The following SERAC1 variants were observed in gnomAD, a reference collection of about 807,000 sequenced individuals.
SERAC1 encodes protein SERAC1.
A neutral mutation model predicts 85.7 loss-of-function variants in SERAC1; 36 were observed. The observed-to-expected ratio is 0.42, with a 90% confidence interval of 0.32 to 0.55. SERAC1 has a LOEUF of 0.55. Among genes scored for constraint, SERAC1 ranks in the 20% least tolerant of loss-of-function variants. SERAC1 has a pLI of 0.11. For missense variants in SERAC1, 629 were observed against 796.2 expected, an observed-to-expected ratio of 0.79 and a Z score of 2.53; for synonymous variants, 242 against 265.3, an observed-to-expected ratio of 0.91 and a Z score of 0.85.
chr6:158,149,172 TTAG>T (rs911484241), intron 4 of SERAC1, among the ~76,000 whole-genome samples: 1 of 152,116 alleles, frequency 6.6e-6, no homozygotes, highest in Non-Finnish European at 1.5e-5. Flanking sequence ...TTTTGTATTT[TTAG>T]TAGAGACAGG....
At position 158,139,639 on chromosome 6, in the gene SERAC1, C is replaced by T. The variant is rs939763711; in HGVS notation, c.738+3417G>A. On this transcript the variant is annotated intron_variant, in intron 8 of 16. Coordinates refer to ENST00000647468, the MANE Select transcript of SERAC1 (RefSeq NM_032861.4). ...ATTCAGGAGGCTGAGGTGGGAGGAT[C>T]ACTTGAGCCCAGGAGTTCAAGGCTG... is the stretch of plus-strand genomic sequence containing the variant. Among the ~76,000 whole-genome samples, 38 of 152,276 alleles carry T rather than the reference C, an allele frequency of 2.5e-4. No individual in the cohort carries two copies. The Middle Eastern group carries it at 0.017, about 68-fold the overall frequency.
At chr6:158,134,749 C>G (rs1784752366) in intron 8 of SERAC1, among the ~76,000 whole-genome samples, 1 of 152,122 alleles carries the variant, frequency 6.6e-6, no homozygotes. Flanking sequence ...AGGCAACATT[C>G]ATTCAAAGAT....
chr6:158,151,001 C>G (rs1162903087), intron 3 of SERAC1: 1 of 156,598 alleles, frequency 6.4e-6, no homozygotes, highest in Non-Finnish European at 1.4e-5. Flanking sequence ...CTATAGTATA[C>G]TTTTATTGCT....
Position 158,116,285 on chromosome 6 carries a change from GAACAA to G in SERAC1, c.1404-8_1404-4del, listed in dbSNP as rs1381930049. The G allele has an allele frequency of 6.2e-7, 1 of 1,613,090 alleles. No individual in the cohort carries two copies. The highest frequency in any genetic ancestry group is 2.2e-5 in the East Asian group (1 of 44,862). ...TGCTTCTGAATGCAATGGACTTTCT[GAACAA>G]AACAAAAACAGCAGGCATGACACAA... On this transcript the variant is annotated splice_region_variant and splice_polypyrimidine_tract_variant and intron_variant, in intron 13 of 16. Transcript: ENST00000647468.
rs372526589 is a variant in SERAC1, at chr6:158,128,113, C to T, written c.1010G>A (p.Arg337His). ...TCAGTATATAAAGCTGTTACCTGAG[C>T]GAACTATAGAAGAATGAAGATGTTC... ...LNEHLHSSIV[R>H]SGWVSIMAEA... Residue 337 changes from arginine to histidine, a missense_variant, in exon 10 of 17, where the codon CGC (arginine) becomes CAC (histidine). Coordinates refer to ENST00000647468, the MANE Select transcript of SERAC1 (RefSeq NM_032861.4). 8.1e-6 allele frequency: 13 copies of T among 1,613,178 alleles called. No individual in the cohort carries two copies. Among genetic ancestry groups the T allele is most frequent in the African/African-American group, 4.0e-5 (3 of 74,768 alleles).
At chr6:158,130,971 T>C (rs1359241051) in intron 8 of SERAC1, among the ~76,000 whole-genome samples, 2 of 152,172 alleles carry the variant, frequency 1.3e-5, no homozygotes, top group African/African-American at 4.8e-5. Context: ...TCTTCTTAAG[T>C]TGAAATTCAA....
chr6:158,150,542 A>C lies in SERAC1; in HGVS notation c.176T>G (p.Val59Gly). Reference sequence around the variant, plus strand: ...TTCTACCACTTGAGTATCTAATGTCACAGCCTTCTTCAGGGCCAGAACTTC... The same window carrying C: ...TTCTACCACTTGAGTATCTAATGTCCCAGCCTTCTTCAGGGCCAGAACTTC... ...TYEVLALKKA[V>G]TLDTQVVERE... The change falls in exon 4 of 17, where the codon GTG (valine) becomes GGG (glycine). Residue 59 changes from valine to glycine, a missense_variant. Physicochemically the swap from Val to Gly is moderately radical, Grantham distance 109. Coordinates refer to ENST00000647468, the MANE Select transcript of SERAC1 (RefSeq NM_032861.4). The C allele has an allele frequency of 6.2e-7, 1 of 1,602,352 alleles. No homozygotes were observed. The highest frequency in any genetic ancestry group is 1.1e-5 in the South Asian group (1 of 90,890).
rs779799605 is a variant in SERAC1, at chr6:158,119,143, A to G, written c.1194T>C (p.Phe398=). 1 of 1,612,790 alleles carries G rather than the reference A, an allele frequency of 6.2e-7. No homozygotes were observed. Among genetic ancestry groups the G allele is most frequent in the South Asian group, 1.1e-5 (1 of 90,882 alleles). The change falls in exon 12 of 17, where the codon TTT becomes TTC. Residue 398 remains phenylalanine (F), a synonymous_variant. Coordinates refer to ENST00000647468, the MANE Select transcript of SERAC1 (RefSeq NM_032861.4). This position sits in a 1 kb window ranked among gnomAD's most constrained non-coding sequence, Gnocchi z 4.5. ...ATGCTGCTCCCATAAGGCCATGAAT[A>G]AAAAGGACATCTGCTTTAATGGGCT... The part of the protein sequence containing the change: ...TSQPIKADVL[F]IHGLMGAAFK...
intron 6 of SERAC1, 42 bp from the exon 7 acceptor site, chr6:158,144,462 TGACA>T: frequency 6.6e-7 from 1 of 1,521,400 alleles, no homozygotes; most frequent in Non-Finnish European, 8.9e-7. Flanking sequence ...CAAAACTAGC[TGACA>T]GATGTCATAA....
In SERAC1 at chr6:158,111,152, C is replaced by T. The variant is rs1435869789; in HGVS notation, c.*214G>A. ...CAGGGACTTCTTTACACCAAAGGGGCCCAATCCAGCCCTTCCTTCTGTGCC... is the reference window on the plus strand; with the variant it reads ...CAGGGACTTCTTTACACCAAAGGGGTCCAATCCAGCCCTTCCTTCTGTGCC... On this transcript the variant is annotated 3_prime_UTR_variant, in exon 17 of 17. Transcript: ENST00000647468. The T allele has an allele frequency of 7.8e-6, 3 of 382,756 alleles. No homozygotes were observed. Among genetic ancestry groups the T allele is most frequent in the African/African-American group, 2.1e-5 (1 of 48,094 alleles). 23.7% of individuals were successfully genotyped at this position (382,756 alleles called of 1,614,324 possible).
chr6:158,113,163 GCTTT>G (rs1784187992), intron 16 of SERAC1: 1 of 406,110 alleles, frequency 2.5e-6, no homozygotes, highest in Non-Finnish European at 4.3e-6. Context: ...TGATAGAAGA[GCTTT>G]CTTTACTGCA....
At chr6:158,114,690 A>ATAAAATGAGATAATACATTCAAGGAATT in intron 15 of SERAC1, 99 bp downstream of exon 15, 1 of 1,575,570 alleles carries the variant, frequency 6.3e-7, no homozygotes, top group Non-Finnish European at 8.6e-7. Flanking sequence ...TATACAAATT[A>ATAAAATGAGATAATACATTCAAGGAATT]TAAAATGAGA....
intron 1 of SERAC1, chr6:158,161,358 G>C (rs1030485934): frequency 1.3e-5 from 2 of 151,378 alleles, no homozygotes; most frequent in African/African-American, 4.9e-5. Flanking sequence ...CTTTAGCCTG[G>C]GAGACAGAGT....
chr6:158,146,597 G>A lies in SERAC1; in HGVS notation c.487+185C>T, dbSNP rs1203844884. On this transcript the variant is annotated intron_variant, in intron 6 of 16. Coordinates refer to ENST00000647468, the MANE Select transcript of SERAC1 (RefSeq NM_032861.4). The stretch of plus-strand genomic sequence containing the variant: ...CTAATTTTTTTGTATTTTTAGTAGA[G>A]ACGGGGTTTCACCATGTTAGCCAGG... The A allele has an allele frequency of 5.7e-6, 3 of 521,772 alleles. No homozygotes were observed. The African/African-American group carries it at 5.9e-5, about 10-fold the overall frequency. 32.3% of individuals were successfully genotyped at this position (521,772 alleles called of 1,614,324 possible).
In SERAC1 at chr6:158,145,586, T is replaced by C. The variant is rs567203523; in HGVS notation, c.488-1166A>G. Among the ~76,000 whole-genome samples, 139 of 149,432 alleles carry C rather than the reference T, an allele frequency of 9.3e-4. 1 individual carries two copies. Among genetic ancestry groups the C allele is most frequent in the Non-Finnish European group, 1.7e-3 (114 of 67,556 alleles). On this transcript the variant is annotated intron_variant, in intron 6 of 16. Transcript: ENST00000647468. Reference sequence around the variant, plus strand: ...TCCAGGCTGGAGTGGAGTGGTACAATCTTGGCTCACTAACAACTCCACCTC... The same window carrying C: ...TCCAGGCTGGAGTGGAGTGGTACAACCTTGGCTCACTAACAACTCCACCTC...
Position 158,142,532 on chromosome 6 carries a change from A to G in SERAC1, c.738+524T>C, listed in dbSNP as rs1406507762. On this transcript the variant is annotated intron_variant, in intron 8 of 16. Coordinates refer to ENST00000647468, the MANE Select transcript of SERAC1 (RefSeq NM_032861.4). ...TCGCTCTGTCACCAGGCTGGAGTGC[A>G]GTGGCACAGTCTCGGCTCACTGCAA... Among the ~76,000 whole-genome samples the G allele has an allele frequency of 2.0e-5, 3 of 150,170 alleles. No individual in the cohort carries two copies. In the East Asian group the frequency reaches 5.9e-4, roughly 29 times the overall value.
intron 15 of SERAC1, 101 bp downstream of exon 15, chr6:158,114,688 T>TTATAAAATGAGATAATACTTTCAAGGAA: frequency 1.4e-6 from 2 of 1,434,952 alleles, no homozygotes; most frequent in Non-Finnish European, 1.9e-6. Context: ...TATATACAAA[T>TTATAAAATGAGATAATACTTTCAAGGAA]TATAAAATGA....
At chr6:158,164,910 T>G (rs1366606495) in intron 1 of SERAC1, among the ~76,000 whole-genome samples, 1 of 152,156 alleles carries the variant, frequency 6.6e-6, no homozygotes, top group Non-Finnish European at 1.5e-5. Flanking sequence ...CCTTTCTTCC[T>G]CCTTCCCTCC....
At chr6:158,131,462 T>G (rs1419728091) in intron 8 of SERAC1, among the ~76,000 whole-genome samples, 2 of 103,056 alleles carry the variant, frequency 1.9e-5, no homozygotes, top group Non-Finnish European at 4.1e-5. Context: ...TCATTATATA[T>G]AAAATACATA....
Sources: gnomAD v4.1 joint callset for allele counts (sites outside exome capture counted in the v4.1 genomes callset) on GRCh38, gnomAD v4.1.1 for gene constraint, Gnocchi (gnomAD v3.1) non-coding constraint, MANE v1.5 for transcripts, NCBI Gene and HGNC (gene_info 2026-07-23, HGNC 2026-07-21) for gene names.